WFDC1: variants seen among roughly 807,000 people sequenced by gnomAD.
WFDC1 encodes WAP four-disulfide core domain 1, also known as WAP four-disulfide core domain protein 1.
In WFDC1, 39 loss-of-function variants were observed where a neutral mutation model predicts 32.9. The observed-to-expected ratio is 1.19, with a 90% CI of 0.92 to 1.55. WFDC1 has a LOEUF of 1.55. Ranked by LOEUF, WFDC1 falls within the 40% of genes most tolerant of loss-of-function variation. WFDC1 has a pLI of 0.00. For missense variants in WFDC1, 386 were observed against 309.5 expected, an observed-to-expected ratio of 1.25 and a Z score of -1.85; for synonymous variants, 184 against 137.4, an observed-to-expected ratio of 1.34 and a Z score of -2.37.
chr16:84,313,082 G>T lies in WFDC1; in HGVS notation c.266G>T (p.Cys89Phe), dbSNP rs1358398602. 6 of 1,425,054 alleles carry T rather than the reference G, an allele frequency of 4.2e-6. No individual in the cohort carries two copies. Among genetic ancestry groups the T allele is most frequent in the Admixed American group, 6.3e-5 (2 of 31,882 alleles). 88.3% of individuals were successfully genotyped at this position (1,425,054 alleles called of 1,614,324 possible). A position where few individuals can be genotyped will look rare whatever the true frequency, so the allele number is the denominator to read the frequency against. The part of the protein sequence containing the change: ...QAARCQADSE[C>F]PRHRRCCYNG... ...GCGCGCTGTCAGGCGGACTCCGAGT[G>T]CCCGCGGCACCGGCGCTGCTGCTAC... Residue 89 changes from cysteine to phenylalanine, a missense_variant, in exon 2 of 7, where the codon TGC (cysteine) becomes TTC (phenylalanine). Transcript: ENST00000219454.
intron 1 of WFDC1, among the ~76,000 whole-genome samples, chr16:84,308,131 C>G (rs1907376836): frequency 2.0e-5 from 3 of 152,124 alleles, no homozygotes; most frequent in African/African-American, 7.2e-5. Context: ...GCCAGGGGCC[C>G]CCCTCCCAGG....
intron 1 of WFDC1, among the ~76,000 whole-genome samples, chr16:84,301,278 C>T (rs1210207383): frequency 6.6e-6 from 1 of 152,216 alleles, no homozygotes; most frequent in Non-Finnish European, 1.5e-5. Context: ...CATTTTGTTG[C>T]AGCACCCTCG....
chr16:84,327,282 C>T (rs1908659709), intron 6 of WFDC1: 2 of 281,544 alleles, frequency 7.1e-6, no homozygotes, highest in Non-Finnish European at 1.4e-5. Flanking sequence ...CCTCAGACTC[C>T]TAGGCTCAAG....
intron 1 of WFDC1, among the ~76,000 whole-genome samples, chr16:84,296,726 G>A (rs931675455): frequency 6.6e-6 from 1 of 152,204 alleles, no homozygotes; most frequent in Non-Finnish European, 1.5e-5. Context: ...GAAAGCTCAT[G>A]TGAGATGGTG....
chr16:84,295,130 TGG>T lies in WFDC1; in HGVS notation c.144+18_144+19del. The T allele has an allele frequency of 5.6e-6, 9 of 1,612,600 alleles. No homozygotes were observed. Among genetic ancestry groups the T allele is most frequent in the Non-Finnish European group, 6.8e-6 (8 of 1,179,210 alleles). ...AGAAATCCCGTGTAAGTGCCTGGGA[TGG>T]GGAGGCTGGGGCAGCCTGTGTGGGT... On this transcript the variant is annotated intron_variant, in intron 1 of 6. Transcript: ENST00000219454.
intron 1 of WFDC1, among the ~76,000 whole-genome samples, chr16:84,297,532 G>C (rs1180555632): frequency 5.5e-5 from 8 of 144,944 alleles, no homozygotes. Context: ...TGGAAGAATT[G>C]CTTGAACCCG....
At chr16:84,322,160 C>CGT (rs10687228) in intron 4 of WFDC1, among the ~76,000 whole-genome samples, 14,635 of 142,070 alleles carry the variant, frequency 0.1, 884 homozygotes, top group African/African-American at 0.16. Context: ...TGTGTGTGTG[C>CGT]GTGTGTGTGT....
At chr16:84,297,296 C>T (rs985942827) in intron 1 of WFDC1, among the ~76,000 whole-genome samples, 4 of 152,136 alleles carry the variant, frequency 2.6e-5, no homozygotes, top group South Asian at 2.1e-4. Context: ...CCTTCCTCAG[C>T]GCCTAGACAT....
chr16:84,298,389 C>A (rs1906736000), intron 1 of WFDC1, among the ~76,000 whole-genome samples: 1 of 152,132 alleles, frequency 6.6e-6, no homozygotes, highest in East Asian at 1.9e-4. Flanking sequence ...GCCACCGCAC[C>A]CAGCCAGGAA....
At chr16:84,309,747 G>A (rs1907499523) in intron 1 of WFDC1, among the ~76,000 whole-genome samples, 1 of 152,096 alleles carries the variant, frequency 6.6e-6, no homozygotes, top group African/African-American at 2.4e-5. Flanking sequence ...TCCGGTGGCT[G>A]CTGGCAATCA....
intron 1 of WFDC1, among the ~76,000 whole-genome samples, chr16:84,308,698 GGTGTAGATGCCATCCTGA>G (rs1263553274): frequency 6.6e-6 from 1 of 151,712 alleles, no homozygotes; most frequent in Non-Finnish European, 1.5e-5. Context: ...CGCCATCCTT[GGTGTAGATGCCATCCTGA>G]GTGTAGATGC....
chr16:84,310,822 A>C (rs1460965729), intron 1 of WFDC1, among the ~76,000 whole-genome samples: 2 of 152,166 alleles, frequency 1.3e-5, no homozygotes, highest in African/African-American at 4.8e-5. Context: ...CCAACACCTT[A>C]AAGGCAGGTT....
chr16:84,316,751 G>T (rs538739133), intron 2 of WFDC1: 1 of 152,214 alleles, frequency 6.6e-6, no homozygotes, highest in South Asian at 2.1e-4. Flanking sequence ...GGCAAGGCGG[G>T]TAGATCACCT....
chr16:84,326,878 A>C lies in WFDC1; in HGVS notation c.605-4A>C, dbSNP rs756170981. On this transcript the variant is annotated splice_region_variant and splice_polypyrimidine_tract_variant and intron_variant, in intron 5 of 6. Coordinates refer to ENST00000219454, the MANE Select transcript of WFDC1 (RefSeq NM_021197.4). ...ACCCCAACAGAGCTGTGTTCTTTTC[A>C]CAGAAGGTGACTCAAAGAATGTGGC... 6.2e-7 allele frequency: 1 copy of C among 1,614,018 alleles called. No homozygotes were observed. The highest frequency in any genetic ancestry group is 2.2e-5 in the East Asian group (1 of 44,858).
rs575417303 is a variant in WFDC1, at chr16:84,295,176, G to T, written c.144+61G>T. ...TGTGGGTGGGAGTCAGCCTTGAGGA[G>T]AGGCGATCCCTAGACACTGCCTTCT... On this transcript the variant is annotated intron_variant, in intron 1 of 6. Transcript: ENST00000219454. 1.9e-6 allele frequency: 3 copies of T among 1,588,776 alleles called. No individual in the cohort carries two copies. The South Asian group carries it at 3.5e-5, about 18-fold the overall frequency.
At chr16:84,308,803 C>G (rs1907430187) in intron 1 of WFDC1, among the ~76,000 whole-genome samples, 1 of 152,072 alleles carries the variant, frequency 6.6e-6, no homozygotes, top group African/African-American at 2.4e-5. Context: ...AGACGCCAGC[C>G]TGGGTGTAGA....
At chr16:84,327,216 G>A (rs1908656730) in intron 6 of WFDC1, 1 of 420,640 alleles carries the variant, frequency 2.4e-6, no homozygotes, top group Non-Finnish European at 4.4e-6. Flanking sequence ...TAAGAGATGG[G>A]GTCTCACTCT....
In WFDC1 at chr16:84,299,044, C is replaced by G. The variant is rs570733716; in HGVS notation, c.144+3929C>G. On this transcript the variant is annotated intron_variant, in intron 1 of 6. Transcript: ENST00000219454. ...AACTGCATTCCCTACATGTGCACTA[C>G]GGACAGATTTAAAAACCCATTCCAG... Among the ~76,000 whole-genome samples the G allele has an allele frequency of 5.9e-5, 9 of 152,282 alleles. No homozygotes were observed. The South Asian group carries it at 1.9e-3, about 32-fold the overall frequency.
rs1444964533 is a variant in WFDC1, at chr16:84,312,997, C to A, written c.181C>A (p.Pro61Thr). ...EAGAPGGPRQ[P>T]RADRCPPPPR... ...GGGCGCGCCCGGCGGCCCCCGGCAGCCCCGAGCAGACCGCTGCCCGCCGCC... is the reference window on the plus strand; with the variant it reads ...GGGCGCGCCCGGCGGCCCCCGGCAGACCCGAGCAGACCGCTGCCCGCCGCC... Residue 61 changes from proline to threonine, a missense_variant, in exon 2 of 7, where the codon CCC (proline) becomes ACC (threonine). Transcript: ENST00000219454. 2.9e-5 allele frequency: 36 copies of A among 1,249,862 alleles called. No homozygotes were observed. Among genetic ancestry groups the A allele is most frequent in the Admixed American group, 8.7e-5 (2 of 23,002 alleles). 77.4% of individuals were successfully genotyped at this position (1,249,862 alleles called of 1,614,324 possible). A position where few individuals can be genotyped will look rare whatever the true frequency, so the allele number is the denominator to read the frequency against.
Sources: gnomAD v4.1 joint callset for allele counts (sites outside exome capture counted in the v4.1 genomes callset) on GRCh38, gnomAD v4.1.1 for gene constraint, MANE v1.5 for transcripts, NCBI Gene and HGNC (gene_info 2026-07-23, HGNC 2026-07-21) for gene names.